CCDC13: variants seen among roughly 807,000 people sequenced by gnomAD.
The protein encoded by CCDC13 is coiled-coil domain containing 13.
Under a neutral mutation model 87.3 loss-of-function variants are expected in CCDC13, and 70 were observed. The observed-to-expected ratio is 0.80, with a 90% CI of 0.66 to 0.98. The LOEUF (loss-of-function observed/expected upper bound fraction) is 0.98, where lower values mean the gene tolerates loss of function less well. Ranked by LOEUF, CCDC13 falls within the 50% of genes least tolerant of loss-of-function variation. The probability of loss-of-function intolerance (pLI) is 0.00; values close to 1 mark genes in which losing one functional copy is unlikely to be tolerated. For missense variants in CCDC13, 842 were observed against 892.0 expected, an observed-to-expected ratio of 0.94 and a Z score of 0.71; for synonymous variants, 317 against 360.3, an observed-to-expected ratio of 0.88 and a Z score of 1.36.
At chr3:42,717,289 G>A (rs1397477109) in intron 13 of CCDC13, among the ~76,000 whole-genome samples, 3 of 151,998 alleles carry the variant, frequency 2.0e-5, no homozygotes, top group African/African-American at 7.2e-5. Flanking sequence ...AGCTGGGCAT[G>A]GTGGTGGGTG....
intron 14 of CCDC13, 22 bp from the exon 15 acceptor site, chr3:42,709,820 T>G: frequency 6.3e-7 from 1 of 1,583,950 alleles, no homozygotes; most frequent in Non-Finnish European, 8.7e-7. Flanking sequence ...CAGCAACCAC[T>G]TTCTGTGAGG....
intron 13 of CCDC13, among the ~76,000 whole-genome samples, chr3:42,724,861 A>G (rs1413197210): frequency 6.6e-6 from 1 of 152,176 alleles, no homozygotes; most frequent in Non-Finnish European, 1.5e-5. Context: ...GTTTCCCCCT[A>G]CCTAAGAATG....
chr3:42,763,844 G>A (rs1699882434), intron 1 of CCDC13, among the ~76,000 whole-genome samples: 1 of 152,184 alleles, frequency 6.6e-6, no homozygotes, highest in African/African-American at 2.4e-5. Flanking sequence ...AGTGATCATG[G>A]CCTGTGACAC....
At chr3:42,752,856 G>T (rs1317851010) in intron 3 of CCDC13, 139 bp from the exon 4 acceptor site, 14 of 1,000,740 alleles carry the variant, frequency 1.4e-5, no homozygotes, top group Non-Finnish European at 2.0e-5. Flanking sequence ...TAACTTAGGA[G>T]GGTCACCATA....
intron 1 of CCDC13, among the ~76,000 whole-genome samples, chr3:42,760,272 C>T (rs924075693): frequency 1.4e-5 from 2 of 142,786 alleles, no homozygotes; most frequent in African/African-American, 2.6e-5. Context: ...GCCTGGGCAA[C>T]AAGAGCAAAA....
chr3:42,739,244 C>T (rs978292445), intron 9 of CCDC13, among the ~76,000 whole-genome samples: 1 of 152,116 alleles, frequency 6.6e-6, no homozygotes, highest in Non-Finnish European at 1.5e-5. Context: ...TTATAACATG[C>T]CCAGAAGAGG....
intron 5 of CCDC13, among the ~76,000 whole-genome samples, chr3:42,750,333 G>T (rs1181454566): frequency 6.6e-6 from 1 of 152,168 alleles, no homozygotes; most frequent in Non-Finnish European, 1.5e-5. Context: ...AATGGAGGGT[G>T]GACTCCCCTG....
intron 1 of CCDC13, among the ~76,000 whole-genome samples, chr3:42,763,725 T>C (rs1161801789): frequency 3.3e-5 from 5 of 152,154 alleles, no homozygotes; most frequent in Admixed American, 1.3e-4. Flanking sequence ...AGGCTGGTCT[T>C]GAACTCCTGA....
intron 13 of CCDC13, among the ~76,000 whole-genome samples, chr3:42,730,259 T>C (rs936830484): frequency 4.6e-5 from 7 of 151,754 alleles, no homozygotes; most frequent in Non-Finnish European, 8.8e-5. Flanking sequence ...ATTGGGTGCA[T>C]GTAGAATGGG....
chr3:42,716,762 T>C (rs927408832), intron 13 of CCDC13, among the ~76,000 whole-genome samples: 1 of 152,224 alleles, frequency 6.6e-6, no homozygotes, highest in Non-Finnish European at 1.5e-5. Context: ...GCAGCCATTG[T>C]GGAAAAGTTT....
In CCDC13 at chr3:42,762,716, C is replaced by A. The variant is rs75701606; in HGVS notation, c.-6-4365G>T. 8.4e-3 allele frequency among the ~76,000 whole-genome samples: 1,278 copies of A among 152,292 alleles called. 20 individuals carry two copies. The highest frequency in any genetic ancestry group is 0.029 in the African/African-American group (1,201 of 41,556). On this transcript the variant is annotated intron_variant, in intron 1 of 15. Transcript: ENST00000310232. Reference sequence around the variant, plus strand: ...CTATGTGTCTCTTTGCTGATTTTGACCCGTATTCTTTCATTGTAATAAACA... The same window carrying A: ...CTATGTGTCTCTTTGCTGATTTTGAACCGTATTCTTTCATTGTAATAAACA...
intron 13 of CCDC13, among the ~76,000 whole-genome samples, chr3:42,714,388 C>T (rs1322829222): frequency 1.3e-4 from 20 of 152,224 alleles, no homozygotes; most frequent in Admixed American, 1.2e-3. Context: ...AGAGCCATGA[C>T]GCACAGTGTC....
chr3:42,751,835 G>A, intron 5 of CCDC13, 101 bp downstream of exon 5: 1 of 1,042,782 alleles, frequency 9.6e-7, no homozygotes, highest in Non-Finnish European at 1.5e-6. Flanking sequence ...TTGGGGGTTG[G>A]GGGTGGACCT....
chr3:42,713,392 T>C, intron 13 of CCDC13, 76 bp from the exon 14 acceptor site: 1 of 1,466,352 alleles, frequency 6.8e-7, no homozygotes, highest in Non-Finnish European at 9.3e-7. Context: ...CTCAGGCCCT[T>C]AGAGAGATGG....
intron 13 of CCDC13, among the ~76,000 whole-genome samples, chr3:42,728,773 C>A (rs764851194): frequency 6.6e-6 from 1 of 152,150 alleles, no homozygotes; most frequent in Non-Finnish European, 1.5e-5. Flanking sequence ...CCTGGCACAG[C>A]CTCACAGAGC....
Position 42,711,534 on chromosome 3 carries a change from T to C in CCDC13, c.1873+1628A>G, listed in dbSNP as rs112799219. Among the ~76,000 whole-genome samples, 740 of 152,324 alleles carry C rather than the reference T, an allele frequency of 4.9e-3. 5 individuals are homozygous for C. The highest frequency in any genetic ancestry group is 0.017 in the African/African-American group (703 of 41,564). On this transcript the variant is annotated intron_variant, in intron 14 of 15. Coordinates refer to ENST00000310232, the MANE Select transcript of CCDC13 (RefSeq NM_144719.4). ...TTTGGCTCTCAAGGCCCTGTGTGAT[T>C]GGACCACTCCAGCCTCCCTGCCTCC...
chr3:42,709,716 G>C lies in CCDC13; in HGVS notation c.1956C>G (p.Pro652=). 1.9e-6 allele frequency: 3 copies of C among 1,614,134 alleles called. No individual in the cohort carries two copies. Among genetic ancestry groups the C allele is most frequent in the Non-Finnish European group, 2.5e-6 (3 of 1,179,992 alleles). ...DPSFAQLSDV[P]VESQMEELTT... ...TCAGCTCTTCCATTTGGGATTCCAC[G>C]GGCACATCGGAGAGCTGGGCAAAGG... Residue 652 remains proline (P), a synonymous_variant, in exon 15 of 16, where the codon CCC becomes CCG. Transcript: ENST00000310232.
At chr3:42,769,146 GAAA>G (rs1257308426) in intron 1 of CCDC13, among the ~76,000 whole-genome samples, 1 of 150,938 alleles carries the variant, frequency 6.6e-6, no homozygotes, top group East Asian at 1.9e-4. Context: ...TTCAAAAAAA[GAAA>G]AAAAAGAAAA....
At chr3:42,760,060 G>A (rs1303702564) in intron 1 of CCDC13, among the ~76,000 whole-genome samples, 1 of 152,132 alleles carries the variant, frequency 6.6e-6, no homozygotes, top group Non-Finnish European at 1.5e-5. Flanking sequence ...AGGAGGCCGA[G>A]GTGGGTGGAT....
Sources: gnomAD v4.1 joint callset for allele counts (sites outside exome capture counted in the v4.1 genomes callset) on GRCh38, gnomAD v4.1.1 for gene constraint, MANE v1.5 for transcripts, NCBI Gene and HGNC (gene_info 2026-07-23, HGNC 2026-07-21) for gene names.